GPR161: variants seen among roughly 807,000 people sequenced by gnomAD.
The protein encoded by GPR161 is G protein-coupled receptor 161.
In GPR161, 25 loss-of-function variants were observed where a neutral mutation model predicts 39.2. The ratio of observed to expected loss-of-function variants is 0.64; its 90% CI spans 0.47 to 0.89. The LOEUF (loss-of-function observed/expected upper bound fraction) is 0.89. GPR161 is among the 40% of genes least tolerant of loss of function. GPR161 has a pLI of 0.00. For synonymous variants in GPR161, 286 were observed against 276.6 expected, an observed-to-expected ratio of 1.03 and a Z score of -0.34; for missense variants, 547 against 677.8, an observed-to-expected ratio of 0.81 and a Z score of 2.14.
intron 3 of GPR161, among the ~76,000 whole-genome samples, chr1:168,092,445 T>G (rs1047366594): frequency 3.9e-5 from 6 of 152,172 alleles, no homozygotes; most frequent in African/African-American, 1.4e-4. Context: ...GGCATCCCTC[T>G]CCTCTGTGTT....
At chr1:168,097,361 C>G in intron 2 of GPR161, 129 bp from the exon 3 acceptor site, 1 of 902,716 alleles carries the variant, frequency 1.1e-6, no homozygotes. Context: ...CCAAGTCTCC[C>G]CAGACAAGTT....
Position 168,097,175 on chromosome 1 carries a change from A to T in GPR161, c.432T>A (p.Ala144=), listed in dbSNP as rs536104924. ...GCCAGATGTAGACAAGTGCCATCACAGCCCGGTTCCCTGTGATCTTCATGG... is the reference window on the plus strand; with the variant it reads ...GCCAGATGTAGACAAGTGCCATCACTGCCCGGTTCCCTGTGATCTTCATGG... The part of the protein sequence containing the change: ...VYPMKITGNR[A]VMALVYIWLH... Residue 144 remains alanine, a synonymous_variant, in exon 3 of 6, where the codon GCT becomes GCA. Transcript: ENST00000682931. 6.2e-7 allele frequency: 1 copy of T among 1,614,052 alleles called. No individual in the cohort carries two copies. The highest frequency in any genetic ancestry group is 1.3e-5 in the African/African-American group (1 of 75,040).
At chr1:168,134,932 TC>T (rs2102275507) in intron 1 of GPR161, 1 of 1,535,638 alleles carries the variant, frequency 6.5e-7, no homozygotes, top group African/African-American at 1.4e-5. Flanking sequence ...TTAGGTCAGT[TC>T]CAGTTCAGCC....
intron 1 of GPR161, among the ~76,000 whole-genome samples, chr1:168,114,755 C>T (rs1372358381): frequency 1.3e-5 from 2 of 152,204 alleles, no homozygotes; most frequent in Non-Finnish European, 2.9e-5. Flanking sequence ...GCATCTGGTG[C>T]ACAGTAACAT....
chr1:168,131,664 G>A (rs770175030), intron 1 of GPR161, among the ~76,000 whole-genome samples: 62 of 152,146 alleles, frequency 4.1e-4, no homozygotes, highest in Non-Finnish European at 7.6e-4. Context: ...CTTGAAGTAG[G>A]AGGGGACTTC....
At chr1:168,130,067 A>G (rs1275318645) in intron 1 of GPR161, among the ~76,000 whole-genome samples, 3 of 152,026 alleles carry the variant, frequency 2.0e-5, no homozygotes, top group African/African-American at 4.8e-5. Flanking sequence ...TCCGTCCTTT[A>G]GTTCCTTACC....
chr1:168,087,213 C>T (rs1219067726), intron 5 of GPR161, among the ~76,000 whole-genome samples: 2 of 152,326 alleles, frequency 1.3e-5, no homozygotes, highest in East Asian at 1.9e-4. Flanking sequence ...TCCAGCAAAG[C>T]AGATACACTC....
At position 168,135,757 on chromosome 1, in the gene GPR161, C is replaced by T. The variant is rs1699305995; in HGVS notation, c.-45+982G>A. Among the ~76,000 whole-genome samples, 4 of 152,194 alleles carry T rather than the reference C, an allele frequency of 2.6e-5. No individual in the cohort carries two copies. The South Asian group carries it at 8.3e-4, about 32-fold the overall frequency. Reference sequence around the variant, plus strand: ...CCCCTAGGACGCTGAGACAGGCTCACCGGAGGTTATCGGTGTCTCCATTGG... The same window carrying T: ...CCCCTAGGACGCTGAGACAGGCTCATCGGAGGTTATCGGTGTCTCCATTGG... On this transcript the variant is annotated intron_variant, in intron 1 of 5. Coordinates refer to ENST00000682931, the MANE Select transcript of GPR161 (RefSeq NM_001375883.1).
At chr1:168,125,346 G>C (rs1698503052) in intron 1 of GPR161, among the ~76,000 whole-genome samples, 1 of 152,132 alleles carries the variant, frequency 6.6e-6, no homozygotes, top group East Asian at 1.9e-4. Context: ...TCCCAGAATA[G>C]GATTTAATAT....
chr1:168,135,095 T>C (rs1032622342), intron 1 of GPR161: 3 of 1,452,010 alleles, frequency 2.1e-6, no homozygotes, highest in African/African-American at 2.8e-5. Flanking sequence ...TTCCAAAATG[T>C]CAAGCGGGCC....
At chr1:168,100,210 C>CAAAAAAAA (rs35900694) in intron 2 of GPR161, among the ~76,000 whole-genome samples, 3 of 54,832 alleles carry the variant, frequency 5.5e-5, no homozygotes, top group Admixed American at 2.5e-4. Flanking sequence ...GACCCTGTCT[C>CAAAAAAAA]AAAAAAAAAA....
At chr1:168,110,888 C>T (rs1697111928) in intron 1 of GPR161, among the ~76,000 whole-genome samples, 1 of 149,322 alleles carries the variant, frequency 6.7e-6, no homozygotes, top group Non-Finnish European at 1.5e-5. Flanking sequence ...CATGCCATTG[C>T]ACTCCAGCCT....
intron 1 of GPR161, chr1:168,136,382 C>T (rs904696283): frequency 7.0e-7 from 1 of 1,422,954 alleles, no homozygotes; most frequent in Admixed American, 2.8e-5. Flanking sequence ...CGGGCACGCA[C>T]CTACGCCCTC....
upstream of GPR161, chr1:168,137,138 G>A: frequency 8.8e-7 from 1 of 1,132,240 alleles, no homozygotes; most frequent in Non-Finnish European, 1.1e-6. Context: ...GAACAGCCTC[G>A]GCTGCTGCTC....
chr1:168,095,526 C>T (rs1305397070), intron 3 of GPR161, among the ~76,000 whole-genome samples: 6 of 152,264 alleles, frequency 3.9e-5, no homozygotes, highest in Admixed American at 2.6e-4. Context: ...TGGGTCCCAT[C>T]AAAGGTGGTG....
chr1:168,110,270 G>A (rs187562484), intron 1 of GPR161, among the ~76,000 whole-genome samples: 32 of 152,166 alleles, frequency 2.1e-4, no homozygotes, highest in African/African-American at 6.0e-4. Context: ...CTGGGAGGCC[G>A]AAGCAGGCAG....
At position 168,085,086 on chromosome 1, in the gene GPR161, A is replaced by C. The variant is rs897299054; in HGVS notation, c.*445T>G. On this transcript the variant is annotated 3_prime_UTR_variant, in exon 6 of 6. Transcript: ENST00000682931. The stretch of plus-strand genomic sequence containing the variant: ...AGGAAGAAGTGCTGTGTCATCCTTC[A>C]CAGTACACTGGGGAGGGTTCTCCTC... 1 of 457,704 alleles carries C rather than the reference A, an allele frequency of 2.2e-6. No individual in the cohort carries two copies. The highest frequency in any genetic ancestry group is 6.9e-5 in the East Asian group (1 of 14,416). 28.4% of individuals were successfully genotyped at this position (457,704 alleles called of 1,614,324 possible).
chr1:168,095,841 G>A (rs1339726816), intron 3 of GPR161, among the ~76,000 whole-genome samples: 1 of 152,238 alleles, frequency 6.6e-6, no homozygotes, highest in East Asian at 1.9e-4. Context: ...CTCTAGTAAA[G>A]AATATACTCC....
intron 1 of GPR161, chr1:168,136,262 C>T (rs190638493): frequency 1.2e-5 from 17 of 1,414,588 alleles, no homozygotes; most frequent in Non-Finnish European, 1.5e-5. Flanking sequence ...CTCACCTGGT[C>T]CTCACGGATT....
Sources: gnomAD v4.1 joint callset for allele counts (sites outside exome capture counted in the v4.1 genomes callset) on GRCh38, gnomAD v4.1.1 for gene constraint, MANE v1.5 for transcripts, NCBI Gene and HGNC (gene_info 2026-07-23, HGNC 2026-07-21) for gene names.